FBXW7: variants seen among roughly 807,000 people sequenced by gnomAD.
FBXW7 encodes the protein F-box/WD repeat-containing protein 7.
Under a neutral mutation model 86.3 loss-of-function variants are expected in FBXW7, and 11 were observed. The observed-to-expected ratio is 0.13, with a 90% confidence interval of 0.08 to 0.21. FBXW7 has a LOEUF of 0.21. Ranked by LOEUF, FBXW7 falls within the 10% of genes least tolerant of loss-of-function variation. The probability of loss-of-function intolerance (pLI) is 1.00; values close to 1 mark genes in which losing one functional copy is unlikely to be tolerated. For missense variants in FBXW7, 488 were observed against 847.4 expected, an observed-to-expected ratio of 0.58 and a Z score of 5.27; for synonymous variants, 313 against 297.9, an observed-to-expected ratio of 1.05 and a Z score of -0.52.
chr4:152,356,979 G>GCATA (rs1054020350), intron 4 of FBXW7, among the ~76,000 whole-genome samples: 12 of 152,132 alleles, frequency 7.9e-5, no homozygotes, highest in African/African-American at 2.9e-4. Context: ...TAACACAAGA[G>GCATA]CATAGTGTAA....
chr4:152,398,100 C>T (rs1736581336), intron 4 of FBXW7, among the ~76,000 whole-genome samples: 1 of 151,878 alleles, frequency 6.6e-6, no homozygotes, highest in African/African-American at 2.4e-5. Flanking sequence ...CCCTAGGTAT[C>T]CCACATATTA....
intron 2 of FBXW7, among the ~76,000 whole-genome samples, chr4:152,428,054 C>T (rs751550504): frequency 3.9e-5 from 6 of 152,122 alleles, no homozygotes; most frequent in Non-Finnish European, 8.8e-5. Context: ...TACACCCTTT[C>T]CCATGGAACC....
At chr4:152,509,377 A>G (rs1007927492) in intron 2 of FBXW7, among the ~76,000 whole-genome samples, 6 of 152,214 alleles carry the variant, frequency 3.9e-5, no homozygotes, top group Non-Finnish European at 7.3e-5. Flanking sequence ...AGTCTAAAAA[A>G]AAAGGTGAAA....
intron 4 of FBXW7, chr4:152,382,554 TTATA>T (rs1579053852): frequency 9.5e-7 from 1 of 1,055,470 alleles, no homozygotes. Context: ...TAGCCAGGAA[TTATA>T]AACTACTGAA....
chr4:152,521,036 A>G (rs974514236), intron 2 of FBXW7, among the ~76,000 whole-genome samples: 3 of 151,952 alleles, frequency 2.0e-5, no homozygotes, highest in African/African-American at 7.3e-5. Context: ...CATAGAACTT[A>G]TTTAAAAGCT....
At chr4:152,411,278 T>C (rs2126875800) in intron 4 of FBXW7, 25 bp downstream of exon 4, 1 of 1,543,312 alleles carries the variant, frequency 6.5e-7, no homozygotes, top group Non-Finnish European at 8.7e-7. Flanking sequence ...GTTTCTCAGG[T>C]TAACAATATA....
At chr4:152,476,790 C>T (rs1233530602) in intron 2 of FBXW7, among the ~76,000 whole-genome samples, 1 of 152,140 alleles carries the variant, frequency 6.6e-6, no homozygotes. Flanking sequence ...CATGTTTCTG[C>T]ACCTCTTAGG....
chr4:152,344,534 T>C (rs1365653899), intron 6 of FBXW7, among the ~76,000 whole-genome samples: 1 of 132,974 alleles, frequency 7.5e-6, no homozygotes, highest in African/African-American at 3.1e-5. Flanking sequence ...TTGAATACAG[T>C]TTTTTTTTTT....
At chr4:152,454,190 C>T (rs1579244496) in intron 2 of FBXW7, among the ~76,000 whole-genome samples, 1 of 151,490 alleles carries the variant, frequency 6.6e-6, no homozygotes, top group South Asian at 2.1e-4. Flanking sequence ...AAAGAACTAC[C>T]CTTTGTATAT....
At chr4:152,504,168 G>C (rs1261218154) in intron 2 of FBXW7, among the ~76,000 whole-genome samples, 1 of 152,116 alleles carries the variant, frequency 6.6e-6, no homozygotes, top group Non-Finnish European at 1.5e-5. Flanking sequence ...AAGAAAGGTA[G>C]AGTTTATTTA....
At chr4:152,391,095 T>C (rs943317547) in intron 4 of FBXW7, among the ~76,000 whole-genome samples, 2 of 152,066 alleles carry the variant, frequency 1.3e-5, no homozygotes, top group Admixed American at 6.6e-5. Context: ...TTGAGAAAGA[T>C]AAACATAGTA....
Position 152,443,661 on chromosome 4 carries a change from T to C in FBXW7, c.-119-31132A>G, listed in dbSNP as rs143437236. Among the ~76,000 whole-genome samples, 14 of 152,192 alleles carry C rather than the reference T, an allele frequency of 9.2e-5. No individual in the cohort carries two copies. The East Asian group carries it at 2.7e-3, about 29-fold the overall frequency. On this transcript the variant is annotated intron_variant, in intron 2 of 13. Coordinates refer to ENST00000281708, the MANE Select transcript of FBXW7 (RefSeq NM_001349798.2). ...TTTGAAAGACACTTTCTACTGCAGA[T>C]TAAAATCCAATCAAAATTTGCTGGG...
chr4:152,475,054 T>C (rs114644778), intron 2 of FBXW7, among the ~76,000 whole-genome samples: 1,720 of 151,642 alleles, frequency 0.011, 36 homozygotes, highest in African/African-American at 0.038. Context: ...TGAGCAGAGA[T>C]TGTGGCACTG....
At chr4:152,392,891 T>C (rs2126814244) in intron 4 of FBXW7, among the ~76,000 whole-genome samples, 1 of 152,308 alleles carries the variant, frequency 6.6e-6, no homozygotes, top group Middle Eastern at 3.4e-3. Context: ...TCTATTTTCA[T>C]AATAAAACTT....
At chr4:152,497,815 T>A (rs1044001602) in intron 2 of FBXW7, among the ~76,000 whole-genome samples, 4 of 152,178 alleles carry the variant, frequency 2.6e-5, no homozygotes, top group African/African-American at 9.7e-5. Flanking sequence ...GTACGAGCAT[T>A]ACAATATTAT....
At chr4:152,502,827 T>C (rs952037765) in intron 2 of FBXW7, among the ~76,000 whole-genome samples, 1 of 152,214 alleles carries the variant, frequency 6.6e-6, no homozygotes, top group Non-Finnish European at 1.5e-5. Context: ...ACAAGTAAAG[T>C]AGACAATATT....
chr4:152,388,939 A>C (rs1735769833), intron 4 of FBXW7, among the ~76,000 whole-genome samples: 1 of 152,112 alleles, frequency 6.6e-6, no homozygotes, highest in South Asian at 2.1e-4. Flanking sequence ...CAACAACAAA[A>C]ACCAAATTAA....
intron 4 of FBXW7, among the ~76,000 whole-genome samples, chr4:152,389,957 T>C (rs1735857765): frequency 6.6e-6 from 1 of 152,064 alleles, no homozygotes; most frequent in African/African-American, 2.4e-5. Flanking sequence ...GTGCTCTAAA[T>C]GTTTTTGTAT....
intron 4 of FBXW7, among the ~76,000 whole-genome samples, chr4:152,391,267 C>A (rs1735971802): frequency 6.6e-6 from 1 of 152,046 alleles, no homozygotes; most frequent in Non-Finnish European, 1.5e-5. Flanking sequence ...GAACTTAATT[C>A]TTGGACGGGC....
Sources: allele counts gnomAD v4.1 joint callset (sites outside exome capture counted in the v4.1 genomes callset), GRCh38; gene constraint gnomAD v4.1.1; transcripts MANE v1.5; gene names NCBI Gene and HGNC (gene_info 2026-07-23, HGNC 2026-07-21).